Variants in RASGRF2 observed in about 807,000 individuals in gnomAD.
RASGRF2 encodes the protein ras-specific guanine nucleotide-releasing factor 2.
A neutral mutation model predicts 151.0 loss-of-function variants in RASGRF2; 76 were observed. The ratio of observed to expected loss-of-function variants is 0.50; its 90% CI spans 0.42 to 0.61. The LOEUF (loss-of-function observed/expected upper bound fraction) is 0.61, where lower values mean the gene tolerates loss of function less well. Ranked by LOEUF, RASGRF2 falls within the 20% of genes least tolerant of loss-of-function variation. The pLI is 0.00. For synonymous variants in RASGRF2, 504 were observed against 566.5 expected (o/e 0.89, Z 1.57); for missense variants, 1,148 against 1,564.6 (o/e 0.73, Z 4.49).
intron 1 of RASGRF2, among the ~76,000 whole-genome samples, chr5:80,979,688 A>C (rs189944647): frequency 1.3e-5 from 2 of 152,322 alleles, no homozygotes; most frequent in African/African-American, 4.8e-5. Context: ...TCTTTGCTGC[A>C]TGTGTATTTG....
chr5:81,099,563 ACAATTCCTT>A (rs1233687918), intron 12 of RASGRF2, among the ~76,000 whole-genome samples: 1 of 152,050 alleles, frequency 6.6e-6, no homozygotes, highest in African/African-American at 2.4e-5. Flanking sequence ...ACAGACTGCC[ACAATTCCTT>A]CAAGAAATAT....
intron 17 of RASGRF2, among the ~76,000 whole-genome samples, chr5:81,147,403 C>T (rs1754031201): frequency 6.6e-6 from 1 of 152,178 alleles, no homozygotes. Context: ...GAGGCAGCAT[C>T]TGTCATACTG....
intron 2 of RASGRF2, among the ~76,000 whole-genome samples, chr5:81,057,625 A>G (rs150084016): frequency 6.6e-6 from 1 of 152,316 alleles, no homozygotes; most frequent in African/African-American, 2.4e-5. Context: ...CATGCATTGT[A>G]TCATGATAAA....
At chr5:81,222,908 A>G (rs905802207) in intron 26 of RASGRF2, among the ~76,000 whole-genome samples, 6 of 152,234 alleles carry the variant, frequency 3.9e-5, no homozygotes, top group Admixed American at 2.6e-4. Context: ...AATCTAAGAA[A>G]AACTGATAAA....
intron 17 of RASGRF2, among the ~76,000 whole-genome samples, chr5:81,170,078 C>A (rs1037399161): frequency 2.0e-5 from 3 of 151,024 alleles, no homozygotes; most frequent in Non-Finnish European, 2.9e-5. Flanking sequence ...ATCATCCACA[C>A]CACCTGCATC....
chr5:81,055,711 G>T (rs190535035), intron 2 of RASGRF2, among the ~76,000 whole-genome samples: 1,747 of 152,188 alleles, frequency 0.011, 47 homozygotes, highest in East Asian at 0.099. Flanking sequence ...AATGGTACCA[G>T]CTCCTCTTTG....
At chr5:81,185,943 T>C (rs1213497838) in intron 18 of RASGRF2, among the ~76,000 whole-genome samples, 2 of 152,222 alleles carry the variant, frequency 1.3e-5, no homozygotes, top group African/African-American at 4.8e-5. Flanking sequence ...GGATAGGCTA[T>C]CAACTGGTTT....
At chr5:81,006,221 C>A (rs545298079) in intron 1 of RASGRF2, among the ~76,000 whole-genome samples, 1 of 152,068 alleles carries the variant, frequency 6.6e-6, no homozygotes, top group Non-Finnish European at 1.5e-5. Flanking sequence ...TATTTCCTGT[C>A]GAATTTGCCC....
intron 22 of RASGRF2, among the ~76,000 whole-genome samples, chr5:81,209,063 G>A (rs1022948599): frequency 2.0e-5 from 3 of 152,212 alleles, no homozygotes; most frequent in African/African-American, 2.4e-5. Context: ...AGAGTGAGCA[G>A]TACATGTGTC....
chr5:81,007,888 AG>A (rs1749322894), intron 1 of RASGRF2, among the ~76,000 whole-genome samples: 1 of 152,064 alleles, frequency 6.6e-6, no homozygotes, highest in African/African-American at 2.4e-5. Context: ...CTGAAGAGAG[AG>A]ACGTGAACAG....
chr5:81,163,784 G>A (rs1176981276), intron 17 of RASGRF2, among the ~76,000 whole-genome samples: 2 of 152,140 alleles, frequency 1.3e-5, no homozygotes, highest in Non-Finnish European at 2.9e-5. Flanking sequence ...ACTACGCTGG[G>A]AGGCATTTAC....
chr5:81,108,984 T>C lies in RASGRF2; in HGVS notation c.1756-12T>C, dbSNP rs1374430672. On this transcript the variant is annotated splice_polypyrimidine_tract_variant and intron_variant, in intron 12 of 26. Coordinates refer to ENST00000265080, the MANE Select transcript of RASGRF2 (RefSeq NM_006909.3). ...TCATGTGGGTTGTAATTGTCAACTT[T>C]TTATTTCACAGTGTGTGGACAATAT... is the stretch of plus-strand genomic sequence containing the variant. The C allele has an allele frequency of 1.3e-6, 2 of 1,596,580 alleles. No individual in the cohort carries two copies. The highest frequency in any genetic ancestry group is 2.2e-5 in the South Asian group (2 of 89,106).
At chr5:81,012,062 C>G (rs1749480357) in intron 1 of RASGRF2, among the ~76,000 whole-genome samples, 1 of 152,186 alleles carries the variant, frequency 6.6e-6, no homozygotes, top group East Asian at 1.9e-4. Flanking sequence ...CTTCGAGCAT[C>G]CCAGCTTTTA....
rs181914451 is a variant in RASGRF2, at chr5:80,970,766, G to A, written c.288+9740G>A. The stretch of plus-strand genomic sequence containing the variant: ...CTGCGAAACAGCAGGGGCTATGGAC[G>A]AGGGTGTTTCACAGAACGTTTAATG... On this transcript the variant is annotated intron_variant, in intron 1 of 26. Coordinates refer to ENST00000265080, the MANE Select transcript of RASGRF2 (RefSeq NM_006909.3). 1.4e-3 allele frequency among the ~76,000 whole-genome samples: 218 copies of A among 152,276 alleles called. 1 individual carries two copies. The highest frequency in any genetic ancestry group is 5.0e-3 in the African/African-American group (208 of 41,556).
intron 7 of RASGRF2, among the ~76,000 whole-genome samples, chr5:81,085,453 A>G (rs1752200305): frequency 6.6e-6 from 1 of 152,198 alleles, no homozygotes; most frequent in Non-Finnish European, 1.5e-5. Flanking sequence ...TACAGACTCA[A>G]GTGACTTGAT....
chr5:81,113,813 T>G lies in RASGRF2; in HGVS notation c.2363T>G (p.Leu788Arg). Residue 788 changes from leucine (L) to arginine (R), a missense_variant, in exon 15 of 27, where the codon CTC (leucine) becomes CGC (arginine). By Grantham distance (102) the Leu-to-Arg change is moderately radical. This residue lies in a region of RASGRF2 where 646 missense variants were observed against 807.4 expected (regional missense o/e 0.80). Coordinates refer to ENST00000265080, the MANE Select transcript of RASGRF2 (RefSeq NM_006909.3). ...PPHTGQIPLD[L>R]SRGLSSPEQS... ...CACACTGGTCAGATACCACTGGATC[T>G]CAGCAGAGGCCTCTCTTCTCCAGAG... The G allele has an allele frequency of 6.2e-7, 1 of 1,614,172 alleles. No individual in the cohort carries two copies. Among genetic ancestry groups the G allele is most frequent in the South Asian group, 1.1e-5 (1 of 91,070 alleles).
intron 12 of RASGRF2, among the ~76,000 whole-genome samples, chr5:81,107,420 T>C (rs1752875886): frequency 1.3e-5 from 2 of 152,180 alleles, no homozygotes; most frequent in South Asian, 4.1e-4. Flanking sequence ...TTATTCAATA[T>C]TTCTCTTGAT....
chr5:81,112,850 C>G lies in RASGRF2; in HGVS notation c.2079C>G (p.Ile693Met). 3 of 1,614,218 alleles carry G rather than the reference C, an allele frequency of 1.9e-6. No homozygotes were observed. The highest frequency in any genetic ancestry group is 2.5e-6 in the Non-Finnish European group (3 of 1,180,042). The change falls in exon 14 of 27, where the codon ATC (isoleucine) becomes ATG (methionine). Residue 693 changes from isoleucine (I) to methionine (M), a missense_variant. Physicochemically the swap from Ile to Met is conservative, Grantham distance 10. Transcript: ENST00000265080. ...TATACAAGAGGCCTTTCACCTCCAT[C>G]CCTGTCAGGTACACCTATTGCTAGA... ...SDIYKRPFTS[I>M]PVRSLELFFA...
intron 10 of RASGRF2, among the ~76,000 whole-genome samples, chr5:81,093,299 C>T (rs971211422): frequency 9.2e-5 from 14 of 152,244 alleles, no homozygotes; most frequent in Admixed American, 6.5e-5. Flanking sequence ...TCTCAAATCA[C>T]TACAATGTAC....
Sources: gnomAD v4.1 joint callset for allele counts (sites outside exome capture counted in the v4.1 genomes callset) on GRCh38, gnomAD v4.1.1 for gene constraint, gnomAD v4.1.1 regional missense constraint, MANE v1.5 for transcripts, NCBI Gene and HGNC (gene_info 2026-07-23, HGNC 2026-07-21) for gene names.